Variants in SNX8 observed in about 807,000 individuals in gnomAD.
The protein encoded by SNX8 is sorting nexin 8, also known as sorting nexin-8.
SNX8 carries 25 observed loss-of-function variants against 51.6 expected under a neutral mutation model. That is an observed-to-expected ratio of 0.48 (90% CI 0.35 to 0.68). The LOEUF (loss-of-function observed/expected upper bound fraction) is 0.68. SNX8 is among the 30% of genes least tolerant of loss of function. The pLI is 0.00. For synonymous variants in SNX8, 324 were observed against 277.0 expected (o/e 1.17, Z -1.68); for missense variants, 695 against 624.0 (o/e 1.11, Z -1.21).
chr7:2,303,171 C>T (rs1013050687), intron 1 of SNX8, among the ~76,000 whole-genome samples: 1 of 149,988 alleles, frequency 6.7e-6, no homozygotes, highest in Non-Finnish European at 1.5e-5. Context: ...TCTGCCCAGC[C>T]GTCCCTACTG....
chr7:2,298,329 G>A (rs998321825), intron 1 of SNX8, among the ~76,000 whole-genome samples: 1 of 152,012 alleles, frequency 6.6e-6, no homozygotes, highest in Admixed American at 6.6e-5. Flanking sequence ...ATGGTGCCCA[G>A]GCTCTGAACT....
At chr7:2,270,314 CA>C (rs57983721) in intron 4 of SNX8, among the ~76,000 whole-genome samples, 630 of 56,954 alleles carry the variant, frequency 0.011, no homozygotes, top group African/African-American at 0.045. Flanking sequence ...TCTCATTTTA[CA>C]AAAAAAAAAA....
intron 5 of SNX8, among the ~76,000 whole-genome samples, chr7:2,268,536 C>G (rs1254818904): frequency 4.8e-5 from 7 of 147,000 alleles, no homozygotes; most frequent in Non-Finnish European, 1.1e-4. Context: ...GCCGTGCCAT[C>G]CGGGAGGGAG....
chr7:2,289,923 T>C (rs1003349750), intron 1 of SNX8, among the ~76,000 whole-genome samples: 1 of 152,172 alleles, frequency 6.6e-6, no homozygotes, highest in Admixed American at 6.6e-5. Context: ...GCCAGCGTGA[T>C]AGCACACACC....
At chr7:2,256,351 C>T (rs1795177635) in intron 10 of SNX8, among the ~76,000 whole-genome samples, 1 of 152,242 alleles carries the variant, frequency 6.6e-6, no homozygotes, top group South Asian at 2.1e-4. Flanking sequence ...ACTTAATAAA[C>T]TTAATTTCAG....
chr7:2,303,383 G>A (rs942896974), intron 1 of SNX8, among the ~76,000 whole-genome samples: 15 of 151,056 alleles, frequency 9.9e-5, no homozygotes, highest in Admixed American at 2.6e-4. Context: ...GGTGAGGGGC[G>A]CCTCTGCCCG....
chr7:2,347,474 C>T (rs1246443249), intron 1 of SNX8, among the ~76,000 whole-genome samples: 1 of 90,542 alleles, frequency 1.1e-5, no homozygotes, highest in Non-Finnish European at 2.0e-5. Context: ...GAGCAAGATG[C>T]TGTCTCAAAA....
At chr7:2,282,929 G>A (rs1330320185) in intron 1 of SNX8, among the ~76,000 whole-genome samples, 2 of 152,104 alleles carry the variant, frequency 1.3e-5, no homozygotes, top group South Asian at 2.1e-4. Context: ...AGACCATCCT[G>A]GCTAACATGG....
intron 6 of SNX8, among the ~76,000 whole-genome samples, chr7:2,264,033 C>A (rs532992935): frequency 6.6e-6 from 1 of 151,924 alleles, no homozygotes; most frequent in Non-Finnish European, 1.5e-5. Context: ...TTTTTAAAGT[C>A]TCATCCTGAC....
At chr7:2,341,939 C>T (rs973019045) in intron 1 of SNX8, among the ~76,000 whole-genome samples, 2 of 152,078 alleles carry the variant, frequency 1.3e-5, no homozygotes, top group African/African-American at 4.8e-5. Flanking sequence ...CACCACTGCA[C>T]TCCAGCCTGG....
At chr7:2,332,436 G>C (rs1334382790) in intron 1 of SNX8, among the ~76,000 whole-genome samples, 1 of 151,982 alleles carries the variant, frequency 6.6e-6, no homozygotes, top group African/African-American at 2.4e-5. Flanking sequence ...ATATAGATAA[G>C]CAAATCATCT....
intron 1 of SNX8, among the ~76,000 whole-genome samples, chr7:2,294,392 A>G (rs933328930): frequency 3.3e-5 from 5 of 152,288 alleles, no homozygotes; most frequent in Middle Eastern, 3.4e-3. Context: ...AAGGACTTGG[A>G]GATTGGAGCC....
chr7:2,351,176 A>G (rs1779130630), intron 1 of SNX8, among the ~76,000 whole-genome samples: 1 of 152,090 alleles, frequency 6.6e-6, no homozygotes, highest in African/African-American at 2.4e-5. Flanking sequence ...GCTGCAGGTC[A>G]GCCTGGGAGC....
Position 2,290,942 on chromosome 7 carries a change from G to C in SNX8, c.95-12637C>G, listed in dbSNP as rs115519599. On this transcript the variant is annotated intron_variant, in intron 1 of 10. Transcript: ENST00000222990. ...CGTCAGAACAACCAACCTACAGTCA[G>C]AGAAGAAGGTTGCTGTCTTCCTGCA... 3.1e-3 allele frequency among the ~76,000 whole-genome samples: 465 copies of C among 152,332 alleles called. 3 individuals carry two copies. Among genetic ancestry groups the C allele is most frequent in the African/African-American group, 0.011 (441 of 41,580 alleles).
chr7:2,272,044 C>G, intron 3 of SNX8, 73 bp from the exon 4 acceptor site: 1 of 1,590,556 alleles, frequency 6.3e-7, no homozygotes, highest in Non-Finnish European at 8.6e-7. Flanking sequence ...GGCGAGTTCT[C>G]AAAACTCTCC....
chr7:2,258,268 G>A (rs1165401288), intron 7 of SNX8, among the ~76,000 whole-genome samples: 1 of 152,050 alleles, frequency 6.6e-6, no homozygotes, highest in Non-Finnish European at 1.5e-5. Flanking sequence ...CGCCCGCCTC[G>A]GCCTCCCAAA....
At chr7:2,263,081 T>C (rs1562423340) in intron 7 of SNX8, 149 bp downstream of exon 7, 4 of 960,244 alleles carry the variant, frequency 4.2e-6, no homozygotes, top group South Asian at 1.7e-5. Flanking sequence ...ATTGCGCCTT[T>C]GCGCTCCAGC....
chr7:2,282,512 G>C (rs1195135202), intron 1 of SNX8, among the ~76,000 whole-genome samples: 2 of 152,178 alleles, frequency 1.3e-5, no homozygotes, highest in Non-Finnish European at 2.9e-5. Context: ...ATCTCCAAGC[G>C]AGTTATCCAC....
chr7:2,314,426 G>C lies in SNX8; in HGVS notation c.-5C>G, dbSNP rs1302912250. 1.6e-6 allele frequency: 2 copies of C among 1,214,040 alleles called. No individual in the cohort carries two copies. Among genetic ancestry groups the C allele is most frequent in the African/African-American group, 1.6e-5 (1 of 63,564 alleles). 75.2% of individuals were successfully genotyped at this position (1,214,040 alleles called of 1,614,324 possible). On this transcript the variant is annotated 5_prime_UTR_variant, in exon 1 of 11. Coordinates refer to ENST00000222990, the MANE Select transcript of SNX8 (RefSeq NM_013321.4). ...GTCCATCGCGCGGCCAGTCATGTGA[G>C]CCCGCGCTCCCACGTGACTTCCTCC...
Sources: allele counts gnomAD v4.1 joint callset (sites outside exome capture counted in the v4.1 genomes callset), GRCh38; gene constraint gnomAD v4.1.1; transcripts MANE v1.5; gene names NCBI Gene and HGNC (gene_info 2026-07-23, HGNC 2026-07-21).